Variants in DPP6 observed in about 807,000 individuals in gnomAD.
DPP6 encodes the protein A-type potassium channel modulatory protein DPP6.
DPP6 carries 69 observed loss-of-function variants against 122.6 expected under a neutral mutation model. The ratio of observed to expected loss-of-function variants is 0.56; its 90% confidence interval spans 0.46 to 0.69. The LOEUF (loss-of-function observed/expected upper bound fraction) is 0.69. DPP6 is among the 30% of genes least tolerant of loss of function. DPP6 has a pLI of 0.00. For synonymous variants in DPP6, 418 were observed against 433.1 expected (o/e 0.97, Z 0.43); for missense variants, 928 against 1,116.9 (o/e 0.83, Z 2.41).
At chr7:153,980,956 T>A (rs756352406) in intron 1 of DPP6, among the ~76,000 whole-genome samples, 7 of 152,190 alleles carry the variant, frequency 4.6e-5, no homozygotes, top group Non-Finnish European at 7.3e-5. Context: ...TGAGGAGCGT[T>A]TTACTCCAAT....
intron 1 of DPP6, among the ~76,000 whole-genome samples, chr7:154,334,766 C>T (rs747696637): frequency 1.1e-4 from 17 of 152,184 alleles, no homozygotes; most frequent in Admixed American, 3.9e-4. Context: ...CATGGTGGCA[C>T]GCACCTGTAG....
intron 1 of DPP6, among the ~76,000 whole-genome samples, chr7:154,177,118 G>C (rs1175093522): frequency 6.6e-6 from 1 of 152,166 alleles, no homozygotes; most frequent in Admixed American, 6.5e-5. Context: ...ACAGGCATGA[G>C]TCACTGCACC....
At chr7:153,920,216 T>A (rs1800565539) in intron 1 of DPP6, among the ~76,000 whole-genome samples, 1 of 141,266 alleles carries the variant, frequency 7.1e-6, no homozygotes, top group Non-Finnish European at 1.5e-5. Context: ...GGGGGTGACC[T>A]GCAGACATGT....
chr7:153,993,541 A>T (rs1797288420), intron 1 of DPP6, among the ~76,000 whole-genome samples: 1 of 152,256 alleles, frequency 6.6e-6, no homozygotes, highest in Non-Finnish European at 1.5e-5. Flanking sequence ...ACAGCTGGTT[A>T]CTGTTTGAAC....
chr7:154,245,716 G>A (rs1801943391), intron 1 of DPP6, among the ~76,000 whole-genome samples: 1 of 150,504 alleles, frequency 6.6e-6, no homozygotes, highest in South Asian at 2.1e-4. Context: ...TAGAGGAAAA[G>A]AGAGATATCT....
chr7:153,834,946 G>A, the DPP6 span, among the ~76,000 whole-genome samples: 1 of 152,192 alleles, frequency 6.6e-6, no homozygotes, highest in Non-Finnish European at 1.5e-5. Flanking sequence ...TCAATACAGT[G>A]CAAGGCTCCT....
At chr7:154,732,229 G>A (rs1842374311) in intron 8 of DPP6, among the ~76,000 whole-genome samples, 1 of 151,538 alleles carries the variant, frequency 6.6e-6, no homozygotes, top group African/African-American at 2.4e-5. Flanking sequence ...GGTATTTTTA[G>A]TAGAGGTGGG....
intron 1 of DPP6, among the ~76,000 whole-genome samples, chr7:154,198,514 A>G (rs1798992028): frequency 6.6e-6 from 1 of 151,994 alleles, no homozygotes; most frequent in Non-Finnish European, 1.5e-5. Context: ...GAGTTTCACC[A>G]TGTTGGCCAG....
Position 154,518,672 on chromosome 7 carries a change from A to C in DPP6, c.458-21860A>C, listed in dbSNP as rs147445344. Among the ~76,000 whole-genome samples the C allele has an allele frequency of 4.4e-3, 662 of 152,122 alleles. 8 individuals are homozygous for C. Among genetic ancestry groups the C allele is most frequent in the East Asian group, 0.037 (190 of 5,176 alleles). ...TAAAGTATTCCCATAGGCCTTGTGG[A>C]TTTTCACAGGAAGGCCTAAGTTACT... On this transcript the variant is annotated intron_variant, in intron 3 of 25. Transcript: ENST00000377770.
intron 3 of DPP6, among the ~76,000 whole-genome samples, chr7:154,529,346 A>G (rs538551295): frequency 6.6e-6 from 1 of 152,312 alleles, no homozygotes; most frequent in East Asian, 1.9e-4. Context: ...CACTAACAAC[A>G]CTAACAACAA....
intron 1 of DPP6, among the ~76,000 whole-genome samples, chr7:153,990,746 G>A (rs549106445): frequency 9.0e-4 from 137 of 152,174 alleles, no homozygotes; most frequent in African/African-American, 2.6e-3. Context: ...TAGTGTGGGG[G>A]CCTCAGGGAA....
intron 1 of DPP6, among the ~76,000 whole-genome samples, chr7:154,346,632 C>G (rs1046917271): frequency 4.6e-5 from 7 of 152,148 alleles, no homozygotes; most frequent in Admixed American, 4.6e-4. Context: ...TAATTGGGAC[C>G]CCCCCTGTGT....
At chr7:153,822,281 C>T in the DPP6 span, among the ~76,000 whole-genome samples, 10 of 149,476 alleles carry the variant, frequency 6.7e-5, no homozygotes, top group African/African-American at 2.0e-4. Flanking sequence ...GCTCCACCTC[C>T]CAACTTCACG....
chr7:153,769,964 C>T, the DPP6 span, among the ~76,000 whole-genome samples: 10 of 152,078 alleles, frequency 6.6e-5, no homozygotes, highest in East Asian at 1.9e-4. Flanking sequence ...TGCTTCTATG[C>T]GGAGAAGGCA....
intron 16 of DPP6, among the ~76,000 whole-genome samples, chr7:154,832,780 T>C (rs1305729430): frequency 6.6e-6 from 1 of 152,204 alleles, no homozygotes; most frequent in South Asian, 2.1e-4. Flanking sequence ...ACTGCAGTAC[T>C]GCACATTTGT....
the DPP6 span, among the ~76,000 whole-genome samples, chr7:153,757,911 A>G: frequency 6.6e-6 from 1 of 152,240 alleles, no homozygotes; most frequent in Non-Finnish European, 1.5e-5. Flanking sequence ...GTGAGCCAAG[A>G]TCGTGCCACT....
At chr7:154,068,517 G>A (rs972690479) in intron 1 of DPP6, among the ~76,000 whole-genome samples, 3 of 114,844 alleles carry the variant, frequency 2.6e-5, no homozygotes, top group African/African-American at 9.0e-5. Context: ...CAGTGGCCCC[G>A]GCCTTGGAGG....
intron 18 of DPP6, among the ~76,000 whole-genome samples, 166 bp from the exon 19 acceptor site, chr7:154,872,458 G>A (rs1005131360): frequency 2.6e-5 from 4 of 152,242 alleles, no homozygotes; most frequent in Non-Finnish European, 5.9e-5. Context: ...AGGCCGCGCA[G>A]CAGGCCAGAG....
intron 1 of DPP6, among the ~76,000 whole-genome samples, chr7:153,991,717 G>A (rs1411991154): frequency 3.3e-5 from 5 of 152,174 alleles, no homozygotes; most frequent in Non-Finnish European, 5.9e-5. Flanking sequence ...ATTAGACAGC[G>A]GTCTGTGGGG....
Sources: allele counts gnomAD v4.1 joint callset (sites outside exome capture counted in the v4.1 genomes callset), GRCh38; gene constraint gnomAD v4.1.1; transcripts MANE v1.5; gene names NCBI Gene and HGNC (gene_info 2026-07-23, HGNC 2026-07-21).